Variants in CACNA1B observed in about 807,000 individuals in gnomAD.
CACNA1B encodes the protein voltage-dependent N-type calcium channel subunit alpha-1B.
In CACNA1B, 70 loss-of-function variants were observed where a neutral mutation model predicts 247.2. The ratio of observed to expected loss-of-function variants is 0.28; its 90% CI spans 0.23 to 0.35. CACNA1B has a LOEUF of 0.35. Among genes scored for constraint, CACNA1B ranks in the 10% least tolerant of loss-of-function variants. The probability of loss-of-function intolerance (pLI) is 1.00; values close to 1 mark genes in which losing one functional copy is unlikely to be tolerated. For missense variants in CACNA1B, 2,367 were observed against 3,197.4 expected, an observed-to-expected ratio of 0.74 and a Z score of 6.26; for synonymous variants, 1,231 against 1,294.4, an observed-to-expected ratio of 0.95 and a Z score of 1.05.
chr9:138,024,353 A>G (rs1958893240), intron 19 of CACNA1B, among the ~76,000 whole-genome samples: 1 of 152,190 alleles, frequency 6.6e-6, no homozygotes, highest in Non-Finnish European at 1.5e-5. Context: ...ACAGTGGTCC[A>G]GTGGCCAAGA....
Position 138,058,340 on chromosome 9 carries a change from T to A in CACNA1B, c.4308+90T>A. 1 of 1,211,050 alleles carries A rather than the reference T, an allele frequency of 8.3e-7. No individual in the cohort carries two copies. The highest frequency in any genetic ancestry group is 1.5e-5 in the African/African-American group (1 of 66,818). The allele number at this position is 1,211,050 out of a possible 1,614,324, so 75.0% of individuals were successfully genotyped here. On this transcript the variant is annotated intron_variant, in intron 28 of 46. Transcript: ENST00000371372. This position sits in a 1 kb window ranked among gnomAD's most constrained non-coding sequence, Gnocchi z 4.7. Reference sequence around the variant, plus strand: ...TGCACACAAATCACTCACAGCTGGGTCAGCTTTGGCTGCCACCGTCTGCCA... The same window carrying A: ...TGCACACAAATCACTCACAGCTGGGACAGCTTTGGCTGCCACCGTCTGCCA...
At chr9:137,915,259 A>T (rs1957397317) in intron 5 of CACNA1B, among the ~76,000 whole-genome samples, 1 of 152,202 alleles carries the variant, frequency 6.6e-6, no homozygotes, top group Non-Finnish European at 1.5e-5. Context: ...TCTTATTCTG[A>T]GAGAAACGGG....
At chr9:138,039,206 A>T (rs1959085590) in intron 20 of CACNA1B, among the ~76,000 whole-genome samples, 1 of 151,890 alleles carries the variant, frequency 6.6e-6, no homozygotes, top group African/African-American at 2.4e-5. Context: ...AAAAAAAATA[A>T]AAAATAAAAA....
chr9:137,879,691 C>T (rs1956890030), intron 2 of CACNA1B, among the ~76,000 whole-genome samples: 1 of 152,160 alleles, frequency 6.6e-6, no homozygotes, highest in Non-Finnish European at 1.5e-5. Context: ...TTTTACCTGT[C>T]CCCAGATTCC....
chr9:137,934,547 C>A (rs920878474), intron 6 of CACNA1B, among the ~76,000 whole-genome samples: 1 of 152,196 alleles, frequency 6.6e-6, no homozygotes, highest in Non-Finnish European at 1.5e-5. Context: ...AACCCATAGA[C>A]CCTCTGAAGG....
rs1956936211 is a variant in CACNA1B, at chr9:137,882,427, A to G, written c.391-317A>G. Among the ~76,000 whole-genome samples the G allele has an allele frequency of 6.6e-6, 1 of 152,044 alleles. No homozygotes were observed. Among genetic ancestry groups the G allele is most frequent in the South Asian group, 2.1e-4 (1 of 4,830 alleles). ...CCCACTGCATGGTGCTAGCAGGGAG[A>G]TTGGGGCCCCACTGTGACGTGGGCA... On this transcript the variant is annotated intron_variant, in intron 2 of 46. Transcript: ENST00000371372. This position sits in a 1 kb window ranked among gnomAD's most constrained non-coding sequence, Gnocchi z 4.0.
chr9:137,932,684 G>A (rs566253041), intron 6 of CACNA1B, among the ~76,000 whole-genome samples: 9 of 152,256 alleles, frequency 5.9e-5, no homozygotes, highest in South Asian at 2.1e-4. Context: ...GCAACTAGAC[G>A]TCTCAGGATT....
chr9:138,029,609 CTTTT>C (rs11320503), intron 20 of CACNA1B, among the ~76,000 whole-genome samples: 3 of 115,822 alleles, frequency 2.6e-5, no homozygotes. Flanking sequence ...TTTTCTTTTC[CTTTT>C]TTTTTTTTTT....
chr9:138,029,874 C>T (rs193228074), intron 20 of CACNA1B, among the ~76,000 whole-genome samples: 21 of 152,210 alleles, frequency 1.4e-4, no homozygotes, highest in South Asian at 4.2e-4. Flanking sequence ...CTCAGCCTCC[C>T]GAAGTGTTGG....
At chr9:138,016,993 C>T (rs992147589) in intron 18 of CACNA1B, 12 of 409,138 alleles carry the variant, frequency 2.9e-5, no homozygotes, top group African/African-American at 1.0e-4. Flanking sequence ...GGCTGGTGCC[C>T]GTCTGACGGA....
intron 3 of CACNA1B, among the ~76,000 whole-genome samples, chr9:137,910,355 T>C (rs1446774961): frequency 6.6e-6 from 1 of 152,192 alleles, no homozygotes; most frequent in African/African-American, 2.4e-5. Context: ...CACTTTTTGA[T>C]AGTGCCCTCT....
intron 32 of CACNA1B, among the ~76,000 whole-genome samples, 171 bp downstream of exon 32, chr9:138,069,934 ATTCAGCAG>A (rs1960062698): frequency 6.6e-6 from 1 of 152,196 alleles, no homozygotes; most frequent in Non-Finnish European, 1.5e-5. Context: ...GGCTCTGGGC[ATTCAGCAG>A]GGCTTCTGAG....
chr9:137,929,647 C>G (rs1183274717), intron 6 of CACNA1B, among the ~76,000 whole-genome samples: 2 of 152,112 alleles, frequency 1.3e-5, no homozygotes, highest in Non-Finnish European at 2.9e-5. Context: ...ACTTGCATTT[C>G]TAAAGTGACT....
chr9:138,040,685 G>A, intron 20 of CACNA1B: 1 of 233,290 alleles, frequency 4.3e-6, no homozygotes, highest in Non-Finnish European at 9.2e-6. Flanking sequence ...GAGGCCCGTT[G>A]TCTCCTTTTC....
At chr9:138,103,593 C>T (rs1351072576) in intron 38 of CACNA1B, among the ~76,000 whole-genome samples, 3 of 152,152 alleles carry the variant, frequency 2.0e-5, no homozygotes, top group Admixed American at 6.5e-5. Context: ...TTCCATCTGC[C>T]CAGCTGTCCC....
intron 6 of CACNA1B, among the ~76,000 whole-genome samples, chr9:137,931,427 G>A (rs748876481): frequency 2.6e-5 from 4 of 152,156 alleles, no homozygotes; most frequent in African/African-American, 4.8e-5. Context: ...AATGGGGGGC[G>A]TTGCAAAGGG....
intron 6 of CACNA1B, among the ~76,000 whole-genome samples, chr9:137,918,217 G>C (rs573726758): frequency 6.6e-6 from 1 of 151,940 alleles, no homozygotes; most frequent in Non-Finnish European, 1.5e-5. Flanking sequence ...GCTTGGGGGG[G>C]GTGCCTGATG....
rs1958876873 is a variant in CACNA1B at position 138,023,480 on chromosome 9, G to A, written c.2737G>A (p.Glu913Lys). 1 of 1,135,212 alleles carries A rather than the reference G, an allele frequency of 8.8e-7. No homozygotes were observed. Among genetic ancestry groups the A allele is most frequent in the Non-Finnish European group, 1.1e-6 (1 of 929,610 alleles). 70.3% of individuals were successfully genotyped at this position (1,135,212 alleles called of 1,614,324 possible). The change falls in exon 19 of 47, where the codon GAG becomes AAG. Residue 913 changes from glutamate (E) to lysine (K), a missense_variant. Glu to Lys is a moderately conservative substitution (Grantham distance 56). This residue lies in a region of CACNA1B where 631 missense variants were observed against 631.1 expected (regional missense o/e 1.00). Transcript: ENST00000371372. ...RSERGRGPGP[E>K]GGRRHHRRGS... ...CGAGCGCGGCCGAGGCCCAGGCCCC[G>A]AGGGCGGCCGGCGGCACCACCGGCG... is the stretch of plus-strand genomic sequence containing the variant.
At chr9:138,096,026 A>G (rs917946493) in intron 36 of CACNA1B, among the ~76,000 whole-genome samples, 3 of 152,130 alleles carry the variant, frequency 2.0e-5, no homozygotes. Flanking sequence ...GAAACGAGAG[A>G]GATGGTTGCA....
Sources: gnomAD v4.1 joint callset for allele counts (sites outside exome capture counted in the v4.1 genomes callset) on GRCh38, gnomAD v4.1.1 for gene constraint, gnomAD v4.1.1 regional missense constraint, Gnocchi (gnomAD v3.1) non-coding constraint, MANE v1.5 for transcripts, NCBI Gene and HGNC (gene_info 2026-07-23, HGNC 2026-07-21) for gene names.